Variants in ERLIN1 observed in about 807,000 individuals in gnomAD.
ERLIN1 encodes the protein erlin-1.
A neutral mutation model predicts 46.9 loss-of-function variants in ERLIN1; 24 were observed. The observed-to-expected ratio is 0.51, with a 90% CI of 0.37 to 0.72. The LOEUF (loss-of-function observed/expected upper bound fraction) is 0.72, where lower values mean the gene tolerates loss of function less well. Ranked by LOEUF, ERLIN1 falls within the 30% of genes least tolerant of loss-of-function variation. ERLIN1 has a pLI of 0.00. For synonymous variants in ERLIN1, 158 were observed against 143.2 expected (o/e 1.10, Z -0.74); for missense variants, 293 against 417.9 (o/e 0.70, Z 2.61).
At position 100,151,765 on chromosome 10, in the gene ERLIN1, T is replaced by G; in HGVS notation, c.*366A>C. Reference sequence around the variant, plus strand: ...TCTTGAATGGTGGCTGAGCATACATTTCCCCGGGGGACGAATGTAAACATT... The same window carrying G: ...TCTTGAATGGTGGCTGAGCATACATGTCCCCGGGGGACGAATGTAAACATT... On this transcript the variant is annotated 3_prime_UTR_variant, in exon 11 of 11. Coordinates refer to ENST00000421367, the MANE Select transcript of ERLIN1 (RefSeq NM_006459.4). 1 of 327,858 alleles carries G rather than the reference T, an allele frequency of 3.1e-6. No individual in the cohort carries two copies. Among genetic ancestry groups the G allele is most frequent in the South Asian group, 2.6e-5 (1 of 38,240 alleles). 20.3% of individuals were successfully genotyped at this position (327,858 alleles called of 1,614,324 possible).
chr10:100,155,303 A>C (rs1162840545), intron 9 of ERLIN1, among the ~76,000 whole-genome samples: 1 of 151,858 alleles, frequency 6.6e-6, no homozygotes, highest in Admixed American at 6.6e-5. Flanking sequence ...CCCCCCCCCA[A>C]ATTTCATCCA....
At chr10:100,167,177 C>A (rs1843690826) in intron 7 of ERLIN1, among the ~76,000 whole-genome samples, 171 bp downstream of exon 7, 1 of 152,072 alleles carries the variant, frequency 6.6e-6, no homozygotes, top group African/African-American at 2.4e-5. Flanking sequence ...TAGTAAGAGT[C>A]TAGTGGGAAT....
chr10:100,165,385 CTTTTTT>C lies in ERLIN1; in HGVS notation c.564-1296_564-1291del, dbSNP rs35096142. Among the ~76,000 whole-genome samples the C allele has an allele frequency of 3.8e-4, 50 of 130,542 alleles. 1 individual carries two copies. The highest frequency in any genetic ancestry group is 1.5e-3 in the African/African-American group (50 of 33,698). The allele number at this position is 130,542 out of a possible 152,430, so 85.6% of individuals were successfully genotyped here. Reference sequence around the variant, plus strand: ...TCATTTTTCCGTCACCAGAAGCAATCTTTTTTTTTTTTTTTTTTTGAGATGGAGTCT... The same window carrying C: ...TCATTTTTCCGTCACCAGAAGCAATCTTTTTTTTTTTTTGAGATGGAGTCT... On this transcript the variant is annotated intron_variant, in intron 7 of 10. Transcript: ENST00000421367.
intron 10 of ERLIN1, among the ~76,000 whole-genome samples, chr10:100,153,286 T>C (rs903566673): frequency 2.6e-5 from 4 of 152,186 alleles, no homozygotes; most frequent in Non-Finnish European, 5.9e-5. Flanking sequence ...AAGATGTATC[T>C]AACCAGAACC....
rs1844271427 is a variant in ERLIN1, at chr10:100,175,956, A to G, written c.419T>C (p.Ile140Thr). ...ATTAAGACACTTACCAAACAATTCA[A>G]TGTAAACTTCCTGAAGTGTGTGGGC... ...CSAHTLQEVY[I>T]ELFDQIDENL... Residue 140 changes from isoleucine to threonine, a missense_variant, in exon 5 of 11, where the codon ATT becomes ACT. Coordinates refer to ENST00000421367, the MANE Select transcript of ERLIN1 (RefSeq NM_006459.4). 1 of 1,613,132 alleles carries G rather than the reference A, an allele frequency of 6.2e-7. No homozygotes were observed. The highest frequency in any genetic ancestry group is 1.3e-5 in the African/African-American group (1 of 74,904).
At chr10:100,172,998 A>G (rs1844090055) in intron 6 of ERLIN1, among the ~76,000 whole-genome samples, 1 of 152,208 alleles carries the variant, frequency 6.6e-6, no homozygotes, top group South Asian at 2.1e-4. Context: ...GATTTTACAA[A>G]GTTACCTCTG....
intron 8 of ERLIN1, 35 bp from the exon 9 acceptor site, chr10:100,156,269 A>G: frequency 2.8e-6 from 4 of 1,405,324 alleles, no homozygotes; most frequent in Non-Finnish European, 4.0e-6. Context: ...CACATTCAAA[A>G]CCATTTCTAC....
intron 6 of ERLIN1, among the ~76,000 whole-genome samples, chr10:100,168,980 G>A (rs1201817772): frequency 6.6e-6 from 1 of 152,088 alleles, no homozygotes; most frequent in Non-Finnish European, 1.5e-5. Flanking sequence ...CACCACACTC[G>A]GCCAGGACTG....
In ERLIN1 at chr10:100,185,533, G is replaced by A. The variant is rs760002182; in HGVS notation, c.94C>T (p.His32Tyr). The change falls in exon 1 of 11, where the codon CAT becomes TAT. Residue 32 changes from histidine (H) to tyrosine (Y), a missense_variant. Transcript: ENST00000421367. ...GCTCACCTGTAGTACACAGCCAGAT[G>A]GCCCTCCTCAATCTTGTGGATGGAG... ...YASIHKIEEG[H>Y]LAVYYRGGAL... 8 of 1,613,324 alleles carry A rather than the reference G, an allele frequency of 5.0e-6. No homozygotes were observed. The East Asian group carries it at 6.7e-5, about 13-fold the overall frequency.
At chr10:100,178,219 A>G in intron 3 of ERLIN1, 25 bp from the exon 4 acceptor site, 1 of 1,492,452 alleles carries the variant, frequency 6.7e-7, no homozygotes, top group Non-Finnish European at 9.2e-7. Context: ...AAAAAGTGTG[A>G]ACTACTAAAG....
In ERLIN1 at chr10:100,185,666, C is replaced by A. The variant is rs1235931848; in HGVS notation, c.-40G>T. ...GGAGCGGGAGAAAAGGACCCTCAGT[C>A]CCGTGAGTGACAGGTCCACCCCCTC... On this transcript the variant is annotated 5_prime_UTR_variant, in exon 1 of 11. Coordinates refer to ENST00000421367, the MANE Select transcript of ERLIN1 (RefSeq NM_006459.4). 1.3e-6 allele frequency: 2 copies of A among 1,524,694 alleles called. No individual in the cohort carries two copies. Among genetic ancestry groups the A allele is most frequent in the African/African-American group, 1.4e-5 (1 of 73,386 alleles). The allele number at this position is 1,524,694 out of a possible 1,614,324, so 94.4% of individuals were successfully genotyped here. A position where few individuals can be genotyped will look rare whatever the true frequency, so the allele number is the denominator to read the frequency against.
chr10:100,154,167 T>A (rs114436475), intron 10 of ERLIN1, among the ~76,000 whole-genome samples: 1,775 of 152,310 alleles, frequency 0.012, 46 homozygotes, highest in African/African-American at 0.04. Flanking sequence ...GAGTTCTAGC[T>A]GCCTCTTAAA....
chr10:100,176,550 CAAAAGACCGTTTTTA>C (rs150495926), intron 4 of ERLIN1, among the ~76,000 whole-genome samples: 11,357 of 152,108 alleles, frequency 0.075, 763 homozygotes, highest in African/African-American at 0.17. Flanking sequence ...AAAGCAGTTG[CAAAAGACCGTTTTTA>C]AAAAGGCAAT....
chr10:100,155,038 A>C (rs1589510250), intron 9 of ERLIN1, 99 bp from the exon 10 acceptor site: 12 of 994,488 alleles, frequency 1.2e-5, no homozygotes, highest in East Asian at 5.1e-5. Context: ...TTTCACATTG[A>C]AAGTTTTAAA....
Position 100,163,978 on chromosome 10 carries a change from C to T in ERLIN1, c.655+26G>A, listed in dbSNP as rs375250237. ...CAGGACAAACAAATGTACTTAGAGA[C>T]AATCATTTCAGAGAAATCCAAGTAC... On this transcript the variant is annotated intron_variant, in intron 8 of 10. Transcript: ENST00000421367. 1.8e-4 allele frequency: 253 copies of T among 1,436,292 alleles called. 1 individual carries two copies. Among genetic ancestry groups the T allele is most frequent in the Middle Eastern group, 3.5e-4 (2 of 5,762 alleles). 89.0% of individuals were successfully genotyped at this position (1,436,292 alleles called of 1,614,324 possible). A position where few individuals can be genotyped will look rare whatever the true frequency, so the allele number is the denominator to read the frequency against.
chr10:100,173,686 C>T (rs1214163419), intron 6 of ERLIN1, among the ~76,000 whole-genome samples: 1 of 152,108 alleles, frequency 6.6e-6, no homozygotes, highest in East Asian at 1.9e-4. Context: ...TCATTCTTCC[C>T]CCATTTAAAT....
chr10:100,163,576 T>A (rs1441638753), intron 8 of ERLIN1, among the ~76,000 whole-genome samples: 1 of 152,206 alleles, frequency 6.6e-6, no homozygotes, highest in Non-Finnish European at 1.5e-5. Context: ...TGAAATGAAC[T>A]GTAAACAATC....
chr10:100,175,788 A>T (rs1189648302), intron 5 of ERLIN1, among the ~76,000 whole-genome samples, 157 bp downstream of exon 5: 1 of 152,248 alleles, frequency 6.6e-6, no homozygotes, highest in Non-Finnish European at 1.5e-5. Context: ...AAAAAATTTT[A>T]AACTTAAGAT....
At position 100,153,660 on chromosome 10, in the gene ERLIN1, A is replaced by T. The variant is rs145102303; in HGVS notation, c.825+1200T>A. ...AAATCTGGTCATAGTGCACAACCAC[A>T]TTTCTTCCTCAAGCCTTTTTAATAT... On this transcript the variant is annotated intron_variant, in intron 10 of 10. Transcript: ENST00000421367. Among the ~76,000 whole-genome samples the T allele has an allele frequency of 2.1e-3, 314 of 152,222 alleles. 1 individual carries two copies. The highest frequency in any genetic ancestry group is 3.0e-3 in the Non-Finnish European group (207 of 68,016).
Sources: allele counts gnomAD v4.1 joint callset (sites outside exome capture counted in the v4.1 genomes callset), GRCh38; gene constraint gnomAD v4.1.1; transcripts MANE v1.5; gene names NCBI Gene and HGNC (gene_info 2026-07-23, HGNC 2026-07-21).